The following PRKAR1B variants were observed in gnomAD, a reference collection of about 807,000 sequenced individuals.
The protein encoded by PRKAR1B is cAMP-dependent protein kinase type I-beta regulatory subunit.
A neutral mutation model predicts 46.5 loss-of-function variants in PRKAR1B; 22 were observed. The ratio of observed to expected loss-of-function variants is 0.47; its 90% CI spans 0.34 to 0.68. The LOEUF (loss-of-function observed/expected upper bound fraction) is 0.68, where lower values mean the gene tolerates loss of function less well. Among genes scored for constraint, PRKAR1B ranks in the 30% least tolerant of loss-of-function variants. PRKAR1B has a pLI of 0.01. For missense variants in PRKAR1B, 445 were observed against 535.6 expected (o/e 0.83, Z 1.67); for synonymous variants, 259 against 217.7 (o/e 1.19, Z -1.67).
chr7:661,788 C>T (rs536640562), intron 4 of PRKAR1B, among the ~76,000 whole-genome samples: 71 of 33,938 alleles, frequency 2.1e-3, no homozygotes, highest in Middle Eastern at 0.038. Flanking sequence ...GGTCCAAATA[C>T]CTACTCTCCC....
chr7:644,770 T>G lies in PRKAR1B; in HGVS notation c.440+32459A>C, dbSNP rs1024166087. 1.3e-5 allele frequency among the ~76,000 whole-genome samples: 2 copies of G among 152,118 alleles called. No homozygotes were observed. The highest frequency in any genetic ancestry group is 2.9e-5 in the Non-Finnish European group (2 of 68,002). ...GAGGGCAGGCACCAGGGCCAGACCC[T>G]TCCCCCAGACACCTCCCATAGCCTT... On this transcript the variant is annotated intron_variant, in intron 4 of 10. Coordinates refer to ENST00000537384, the MANE Select transcript of PRKAR1B (RefSeq NM_001164760.2). This position sits in a 1 kb window ranked among gnomAD's most constrained non-coding sequence, Gnocchi z 4.9.
chr7:611,648 A>G (rs1302707914), intron 4 of PRKAR1B, among the ~76,000 whole-genome samples: 1 of 152,254 alleles, frequency 6.6e-6, no homozygotes. Context: ...TGCAGGCTCT[A>G]GTGCCCAGCC....
intron 4 of PRKAR1B, among the ~76,000 whole-genome samples, chr7:609,328 T>C (rs565118954): frequency 6.6e-6 from 1 of 152,286 alleles, no homozygotes; most frequent in Non-Finnish European, 1.5e-5. Flanking sequence ...TTTAAAAAAA[T>C]ATTTCAACTT....
intron 8 of PRKAR1B, 59 bp from the exon 9 acceptor site, chr7:579,436 C>A: frequency 6.2e-7 from 1 of 1,601,086 alleles, no homozygotes; most frequent in Non-Finnish European, 8.5e-7. Flanking sequence ...AGCCACAGTC[C>A]AAGACAAGGG....
intron 4 of PRKAR1B, among the ~76,000 whole-genome samples, chr7:615,119 G>A (rs1326763629): frequency 6.6e-6 from 1 of 151,664 alleles, no homozygotes; most frequent in African/African-American, 2.4e-5. Flanking sequence ...GAAAGAAAGA[G>A]TGAGACAAAG....
chr7:698,092 G>A (rs115563962), intron 2 of PRKAR1B, among the ~76,000 whole-genome samples: 2,437 of 128,416 alleles, frequency 0.019, 165 homozygotes, highest in African/African-American at 0.067. Context: ...AGAGGGGAGG[G>A]GAGGGAAGGG....
intron 8 of PRKAR1B, among the ~76,000 whole-genome samples, chr7:581,037 C>T (rs900202177): frequency 4.6e-5 from 7 of 152,206 alleles, no homozygotes; most frequent in African/African-American, 1.7e-4. Context: ...GGCGCGGTGG[C>T]TCACGCCTGT....
rs911841156 is a variant in PRKAR1B, at chr7:726,771, G to A, written c.-23+439C>T. 37 of 1,262,632 alleles carry A rather than the reference G, an allele frequency of 2.9e-5. No individual in the cohort carries two copies. The highest frequency in any genetic ancestry group is 4.2e-5 in the Admixed American group (1 of 23,822). 78.2% of individuals were successfully genotyped at this position (1,262,632 alleles called of 1,614,324 possible). A position where few individuals can be genotyped will look rare whatever the true frequency, so the allele number is the denominator to read the frequency against. ...CCGTGGCGGCCCCACACCCGGCTGA[G>A]GGGGCCGAGACGGCTGAGGCGGTGG... is the stretch of plus-strand genomic sequence containing the variant. On this transcript the variant is annotated intron_variant, in intron 1 of 10. Coordinates refer to ENST00000537384, the MANE Select transcript of PRKAR1B (RefSeq NM_001164760.2).
chr7:580,744 C>CAAAAAAAAAAAAAAA, intron 8 of PRKAR1B, among the ~76,000 whole-genome samples: 1 of 117,348 alleles, frequency 8.5e-6, no homozygotes, highest in Non-Finnish European at 1.8e-5. Flanking sequence ...TCTTTTTTGA[C>CAAAAAAAAAAAAAAA]AAAAAAAAAA....
intron 4 of PRKAR1B, among the ~76,000 whole-genome samples, chr7:635,591 G>C (rs932595216): frequency 1.3e-5 from 2 of 152,198 alleles, no homozygotes; most frequent in Non-Finnish European, 2.9e-5. Flanking sequence ...CTGGAGCCCG[G>C]AAGGCTCGGG....
intron 2 of PRKAR1B, among the ~76,000 whole-genome samples, chr7:698,296 G>A (rs1475644841): frequency 2.0e-5 from 3 of 152,076 alleles, no homozygotes; most frequent in African/African-American, 7.2e-5. Context: ...AAAAATAGAA[G>A]ATGAAGATGC....
intron 2 of PRKAR1B, among the ~76,000 whole-genome samples, chr7:684,710 G>C (rs1215885563): frequency 6.6e-6 from 1 of 152,194 alleles, no homozygotes; most frequent in African/African-American, 2.4e-5. Flanking sequence ...AGGAGCCCAG[G>C]TGTCCTGTGG....
intron 4 of PRKAR1B, among the ~76,000 whole-genome samples, chr7:668,755 G>C (rs1456690156): frequency 6.6e-6 from 1 of 152,164 alleles, no homozygotes; most frequent in Non-Finnish European, 1.5e-5. Context: ...CTCACACTCA[G>C]GGTCCAGGCT....
chr7:712,936 C>T (rs1171366767), intron 1 of PRKAR1B: 1 of 152,586 alleles, frequency 6.6e-6, no homozygotes, highest in African/African-American at 2.4e-5. Context: ...CCTTAGCGGC[C>T]AGAGAGGGTG....
intron 4 of PRKAR1B, among the ~76,000 whole-genome samples, chr7:675,180 C>T (rs1265163607): frequency 6.6e-6 from 1 of 152,210 alleles, no homozygotes; most frequent in East Asian, 1.9e-4. Context: ...AACTCTGATT[C>T]ATTCTTACAA....
intron 2 of PRKAR1B, among the ~76,000 whole-genome samples, chr7:681,177 C>T (rs531017112): frequency 6.6e-6 from 1 of 152,100 alleles, no homozygotes; most frequent in African/African-American, 2.4e-5. Context: ...CTGCTTCCCC[C>T]CTGCTGCCTT....
At chr7:727,349 C>T, upstream of PRKAR1B, 3 of 1,161,196 alleles carry the variant, frequency 2.6e-6, no homozygotes, top group South Asian at 9.3e-5. Flanking sequence ...CACACGCCAC[C>T]CCACACTCTC....
At chr7:614,864 ATCGCACC>A (rs564912171) in intron 4 of PRKAR1B, among the ~76,000 whole-genome samples, 177 of 152,214 alleles carry the variant, frequency 1.2e-3, no homozygotes, top group African/African-American at 3.9e-3. Context: ...ATGAGCTGAG[ATCGCACC>A]ACTGCACTCC....
chr7:627,523 G>A (rs114614063), intron 4 of PRKAR1B, among the ~76,000 whole-genome samples: 2,589 of 152,292 alleles, frequency 0.017, 74 homozygotes, highest in African/African-American at 0.059. Context: ...GGACAGCCAC[G>A]GCCAACGCCA....
Sources: allele counts gnomAD v4.1 joint callset (sites outside exome capture counted in the v4.1 genomes callset), GRCh38; gene constraint gnomAD v4.1.1; non-coding constraint Gnocchi (gnomAD v3.1); transcripts MANE v1.5; gene names NCBI Gene and HGNC (gene_info 2026-07-23, HGNC 2026-07-21).